The following TBX15 variants were observed in gnomAD, a reference collection of about 807,000 sequenced individuals.
The protein encoded by TBX15 is T-box transcription factor 15.
TBX15 carries 18 observed loss-of-function variants against 53.9 expected under a neutral mutation model. The observed-to-expected ratio is 0.33, with a 90% CI of 0.23 to 0.49. TBX15 has a LOEUF of 0.49. Ranked by LOEUF, TBX15 falls within the 20% of genes least tolerant of loss-of-function variation. TBX15 has a pLI of 0.98. For missense variants in TBX15, 692 were observed against 749.5 expected (o/e 0.92, Z 0.90); for synonymous variants, 295 against 278.0 (o/e 1.06, Z -0.61).
intron 6 of TBX15, among the ~76,000 whole-genome samples, chr1:118,905,382 T>C (rs1654780504): frequency 6.6e-6 from 1 of 152,218 alleles, no homozygotes. Context: ...CAATTTTCTC[T>C]GGCAAGGCCA....
In TBX15 at chr1:118,988,148, C is replaced by CCTCTCT. The variant is rs3033458; in HGVS notation, c.-359_-354dup. 6 of 179,940 alleles carry CCTCTCT rather than the reference C, an allele frequency of 3.3e-5. No individual in the cohort carries two copies. Among genetic ancestry groups the CCTCTCT allele is most frequent in the African/African-American group, 9.7e-5 (4 of 41,406 alleles). 11.1% of individuals were successfully genotyped at this position (179,940 alleles called of 1,614,324 possible). A position where few individuals can be genotyped will look rare whatever the true frequency, so the allele number is the denominator to read the frequency against. ...TTTTGTTATTATTATTATTCTCTCTCCTCTCTCTCTCTCTCTCTCTCTCCC... is the reference window on the plus strand; with the variant it reads ...TTTTGTTATTATTATTATTCTCTCTCCTCTCTCTCTCTCTCTCTCTCTCTCTCTCCC... On this transcript the variant is annotated 5_prime_UTR_variant, in exon 1 of 8. Transcript: ENST00000369429.
chr1:118,910,213 G>A (rs1470281663), intron 6 of TBX15, among the ~76,000 whole-genome samples: 1 of 152,104 alleles, frequency 6.6e-6, no homozygotes, highest in Non-Finnish European at 1.5e-5. Context: ...TTCCACAAAT[G>A]TTTTGTGTTC....
chr1:118,911,400 T>C (rs888440464), intron 6 of TBX15, among the ~76,000 whole-genome samples: 1 of 152,168 alleles, frequency 6.6e-6, no homozygotes, highest in African/African-American at 2.4e-5. Flanking sequence ...CGAAGATCCA[T>C]AGTTCTGCTT....
chr1:118,934,898 T>A (rs1325759198), intron 1 of TBX15, among the ~76,000 whole-genome samples: 1 of 152,186 alleles, frequency 6.6e-6, no homozygotes, highest in Non-Finnish European at 1.5e-5. Context: ...TTTCACTCTC[T>A]CACAAAACAG....
intron 6 of TBX15, among the ~76,000 whole-genome samples, chr1:118,912,497 A>C (rs1224200390): frequency 6.6e-6 from 1 of 152,150 alleles, no homozygotes; most frequent in African/African-American, 2.4e-5. Flanking sequence ...ATAGCCTGTC[A>C]TGAAAGTCCT....
At chr1:118,944,756 A>G (rs916038095) in intron 1 of TBX15, among the ~76,000 whole-genome samples, 3 of 152,176 alleles carry the variant, frequency 2.0e-5, no homozygotes, top group Non-Finnish European at 4.4e-5. Flanking sequence ...TCCCACTTCA[A>G]TTCCCACAGT....
At chr1:118,950,603 T>C (rs951281637) in intron 1 of TBX15, among the ~76,000 whole-genome samples, 2 of 152,212 alleles carry the variant, frequency 1.3e-5, no homozygotes, top group African/African-American at 4.8e-5. Flanking sequence ...CAGAAAAGCC[T>C]GTTGAAGTGG....
chr1:118,972,292 GT>G, intron 1 of TBX15, among the ~76,000 whole-genome samples: 1 of 152,348 alleles, frequency 6.6e-6, no homozygotes, highest in African/African-American at 2.4e-5. Context: ...GCCATTATAT[GT>G]TTGGATTTAC....
At chr1:118,988,438 A>C (rs1264762278), upstream of TBX15, 1 of 152,486 alleles carries the variant, frequency 6.6e-6, no homozygotes, top group Non-Finnish European at 1.5e-5. Flanking sequence ...AATGAGAGGA[A>C]GGGAGAGACT....
chr1:118,965,789 T>C (rs1779445), intron 1 of TBX15, among the ~76,000 whole-genome samples: 120,886 of 152,192 alleles, frequency 0.79, 48,254 homozygotes, highest in East Asian at 0.86. Context: ...GTCTCCAACA[T>C]AACAGCTCAA....
In TBX15 at chr1:118,884,367, T is replaced by C; in HGVS notation, c.*365A>G. 1 of 322,488 alleles carries C rather than the reference T, an allele frequency of 3.1e-6. No individual in the cohort carries two copies. Among genetic ancestry groups the C allele is most frequent in the East Asian group, 7.4e-5 (1 of 13,446 alleles). The allele number at this position is 322,488 out of a possible 1,614,324, so 20.0% of individuals were successfully genotyped here. On this transcript the variant is annotated 3_prime_UTR_variant, in exon 8 of 8. Coordinates refer to ENST00000369429, the MANE Select transcript of TBX15 (RefSeq NM_001330677.2). Reference sequence around the variant, plus strand: ...GTGCACGTATGTATAGGTAGGTCTGTCTGTATGTGGGTGTGTATGTGTAAC... The same window carrying C: ...GTGCACGTATGTATAGGTAGGTCTGCCTGTATGTGGGTGTGTATGTGTAAC...
At chr1:118,918,144 A>G (rs1278675498) in intron 5 of TBX15, among the ~76,000 whole-genome samples, 1 of 152,216 alleles carries the variant, frequency 6.6e-6, no homozygotes, top group African/African-American at 2.4e-5. Flanking sequence ...TCTCCAAAAT[A>G]GGATACTTCT....
intron 6 of TBX15, among the ~76,000 whole-genome samples, chr1:118,913,205 T>C (rs1446651772): frequency 6.6e-6 from 1 of 151,310 alleles, no homozygotes; most frequent in Non-Finnish European, 1.5e-5. Flanking sequence ...ATCTGTCATT[T>C]GAATGTAAAT....
At position 118,884,988 on chromosome 1, in the gene TBX15, T is replaced by C. The variant is rs954799505; in HGVS notation, c.1553A>G (p.Tyr518Cys). 1.1e-5 allele frequency: 18 copies of C among 1,614,026 alleles called. No homozygotes were observed. In the African/African-American group the frequency reaches 2.1e-4, roughly 19 times the overall value. Reference sequence around the variant, plus strand: ...AGGGGAAGTGGGGAAATTGTATCCATACAGGTTGTAAGGGTTGTGAAGGGA... The same window carrying C: ...AGGGGAAGTGGGGAAATTGTATCCACACAGGTTGTAAGGGTTGTGAAGGGA... ...AFSLHNPYNL[Y>C]GYNFPTSPRL... The change falls in exon 8 of 8, where the codon TAT becomes TGT. Residue 518 changes from tyrosine (Y) to cysteine (C), a missense_variant. Tyr to Cys is a radical substitution (Grantham distance 194). Around this residue, in one of 3 missense-constraint regions of TBX15, gnomAD observed 375 missense variants for 371.6 expected, o/e 1.01. Transcript: ENST00000369429.
chr1:118,968,743 A>G (rs1309284014), intron 1 of TBX15, among the ~76,000 whole-genome samples: 1 of 152,094 alleles, frequency 6.6e-6, no homozygotes, highest in Non-Finnish European at 1.5e-5. Flanking sequence ...TTGGTGCCCC[A>G]CTTCCCATCT....
rs1014819026 is a variant in TBX15 at position 118,987,824 on chromosome 1, T to C, written c.-29A>G. The C allele has an allele frequency of 1.3e-6, 2 of 1,546,236 alleles. No homozygotes were observed. Among genetic ancestry groups the C allele is most frequent in the Non-Finnish European group, 1.7e-6 (2 of 1,145,158 alleles). ...AGCCGCCCACACCCCTGCCTCCGCT[T>C]GCCCCCGCTACCGAGGGAGCAGCCG... On this transcript the variant is annotated 5_prime_UTR_variant, in exon 1 of 8. Transcript: ENST00000369429.
chr1:118,888,162 C>T (rs1336130408), intron 7 of TBX15, among the ~76,000 whole-genome samples: 1 of 152,050 alleles, frequency 6.6e-6, no homozygotes, highest in Non-Finnish European at 1.5e-5. Context: ...AGCAGCTGGC[C>T]ATGTCGGAAA....
At chr1:118,936,365 G>T (rs1655965430) in intron 1 of TBX15, among the ~76,000 whole-genome samples, 1 of 152,116 alleles carries the variant, frequency 6.6e-6, no homozygotes, top group Non-Finnish European at 1.5e-5. Context: ...ATATTTTACA[G>T]TCTTGGCATC....
Position 118,933,463 on chromosome 1 carries a change from C to CA in TBX15, c.206-1632dup, listed in dbSNP as rs3060806. On this transcript the variant is annotated intron_variant, in intron 1 of 7. Coordinates refer to ENST00000369429, the MANE Select transcript of TBX15 (RefSeq NM_001330677.2). ...TCCCTCCCCCTCTGCCCCCCACCCACAAAAAAAAAAAACTATAAAGTTTTA... is the reference window on the plus strand; with the variant it reads ...TCCCTCCCCCTCTGCCCCCCACCCACAAAAAAAAAAAAACTATAAAGTTTTA... Among the ~76,000 whole-genome samples the CA allele has an allele frequency of 1.3e-3, 187 of 146,466 alleles. 4 individuals are homozygous for CA. The East Asian group carries it at 0.022, about 17-fold the overall frequency.
Sources: gnomAD v4.1 joint callset for allele counts (sites outside exome capture counted in the v4.1 genomes callset) on GRCh38, gnomAD v4.1.1 for gene constraint, gnomAD v4.1.1 regional missense constraint, MANE v1.5 for transcripts, NCBI Gene and HGNC (gene_info 2026-07-23, HGNC 2026-07-21) for gene names.